ELAPOR1: variants seen among roughly 807,000 people sequenced by gnomAD.
The protein encoded by ELAPOR1 is endosome/lysosome-associated apoptosis and autophagy regulator 1.
In ELAPOR1, 77 loss-of-function variants were observed where a neutral mutation model predicts 119.7. The observed-to-expected ratio is 0.64, with a 90% CI of 0.54 to 0.78. ELAPOR1 has a LOEUF of 0.78. Ranked by LOEUF, ELAPOR1 falls within the 30% of genes least tolerant of loss-of-function variation. The pLI, the probability that ELAPOR1 is intolerant of heterozygous loss-of-function variation, is 0.00. For synonymous variants in ELAPOR1, 481 were observed against 487.2 expected (o/e 0.99, Z 0.17); for missense variants, 1,115 against 1,270.4 (o/e 0.88, Z 1.86).
chr1:109,178,004 T>C (rs941003266), intron 7 of ELAPOR1, among the ~76,000 whole-genome samples: 25 of 123,792 alleles, frequency 2.0e-4, no homozygotes, highest in Admixed American at 3.2e-4. Flanking sequence ...TTTTTTCTTT[T>C]TTCTTTCTTT....
At position 109,189,260 on chromosome 1, in the gene ELAPOR1, C is replaced by T. The variant is rs1653274668; in HGVS notation, c.1348+66C>T. 3.9e-6 allele frequency: 6 copies of T among 1,549,662 alleles called. No homozygotes were observed. In the South Asian group the frequency reaches 7.1e-5, roughly 18 times the overall value. On this transcript the variant is annotated intron_variant, in intron 10 of 21. Coordinates refer to ENST00000369939, the MANE Select transcript of ELAPOR1 (RefSeq NM_020775.5). ...CACACCCTCAGTTCTTCCAACTTCA[C>T]ATTTCTTCATAATAGTGATGTCTGA...
chr1:109,173,629 C>G, intron 6 of ELAPOR1, 50 bp downstream of exon 6: 1 of 1,613,304 alleles, frequency 6.2e-7, no homozygotes, highest in Non-Finnish European at 8.5e-7. Flanking sequence ...TTTGCAGTCT[C>G]CTGGGGACTC....
chr1:109,199,192 C>T (rs1654011142), intron 18 of ELAPOR1, among the ~76,000 whole-genome samples: 1 of 152,158 alleles, frequency 6.6e-6, no homozygotes, highest in Non-Finnish European at 1.5e-5. Context: ...AGGTTAATAG[C>T]TGAGTGAACT....
chr1:109,129,480 C>T (rs1043516232), intron 1 of ELAPOR1, among the ~76,000 whole-genome samples: 6 of 152,216 alleles, frequency 3.9e-5, no homozygotes, highest in Non-Finnish European at 4.4e-5. Flanking sequence ...CCATTGCCCT[C>T]CAGCCTGGGC....
In ELAPOR1 at chr1:109,114,176, A is replaced by G; in HGVS notation, c.-8A>G. 7 of 1,581,942 alleles carry G rather than the reference A, an allele frequency of 4.4e-6. No individual in the cohort carries two copies. The highest frequency in any genetic ancestry group is 3.4e-5 in the South Asian group (3 of 87,334). On this transcript the variant is annotated 5_prime_UTR_variant, in exon 1 of 22. Transcript: ENST00000369939. ...GAGCCGCTACTGCCGCTCACTCAGG[A>G]CAACGCTATGGCTGAGCCTGGGCAC... is the stretch of plus-strand genomic sequence containing the variant.
At chr1:109,132,894 A>T (rs1254108174) in intron 1 of ELAPOR1, among the ~76,000 whole-genome samples, 6 of 152,180 alleles carry the variant, frequency 3.9e-5, no homozygotes, top group African/African-American at 1.4e-4. Context: ...CTCCGTCAAA[A>T]TAGTAAAATC....
In ELAPOR1 at chr1:109,203,132, T is replaced by C. The variant is rs1184922189; in HGVS notation, c.*120T>C. The stretch of plus-strand genomic sequence containing the variant: ...TGGAAATCTCTTCATTGTGGCCTTA[T>C]CAGATGTTTGAATTTCAGATCTTTT... On this transcript the variant is annotated 3_prime_UTR_variant, in exon 22 of 22. Transcript: ENST00000369939. 3.4e-5 allele frequency: 23 copies of C among 674,538 alleles called. No homozygotes were observed. The Middle Eastern group carries it at 1.6e-3, about 48-fold the overall frequency. The allele number at this position is 674,538 out of a possible 1,614,324, so 41.8% of individuals were successfully genotyped here.
chr1:109,198,759 G>T, intron 18 of ELAPOR1, 85 bp downstream of exon 18: 1 of 1,238,554 alleles, frequency 8.1e-7, no homozygotes, highest in Non-Finnish European at 1.1e-6. Context: ...CTGAAAAAGA[G>T]CAAAAAAGAA....
At chr1:109,162,755 C>T (rs181431258) in intron 2 of ELAPOR1, among the ~76,000 whole-genome samples, 15 of 152,320 alleles carry the variant, frequency 9.8e-5, no homozygotes, top group African/African-American at 3.6e-4. Flanking sequence ...CAAATAAATA[C>T]TTGTTAAATT....
Position 109,192,592 on chromosome 1 carries a change from CTT to C in ELAPOR1, c.1684-18_1684-17del, listed in dbSNP as rs965971353. On this transcript the variant is annotated splice_polypyrimidine_tract_variant and intron_variant, in intron 13 of 21. Transcript: ENST00000369939. ...GTCTCAGGCCTCTCCCCTCTCCCCT[CTT>C]GTTTCCTTGTCTCCAGAGCAGGAAG... 9 of 1,612,968 alleles carry C rather than the reference CTT, an allele frequency of 5.6e-6. No homozygotes were observed. In the African/African-American group the frequency reaches 6.7e-5, roughly 12 times the overall value.
chr1:109,120,256 G>A (rs1648307899), intron 1 of ELAPOR1, among the ~76,000 whole-genome samples: 1 of 152,064 alleles, frequency 6.6e-6, no homozygotes, highest in Admixed American at 6.6e-5. Flanking sequence ...AACCTAGCTG[G>A]TGTGGTGGTG....
chr1:109,191,845 G>A lies in ELAPOR1; in HGVS notation c.1665G>A (p.Arg555=), dbSNP rs1653458464. Residue 555 remains arginine, a synonymous_variant, in exon 13 of 22, where the codon AGG becomes AGA. Coordinates refer to ENST00000369939, the MANE Select transcript of ELAPOR1 (RefSeq NM_020775.5). ...TTTSFTWAFQ[R]TTFHEASRKY... Reference sequence around the variant, plus strand: ...CGAGCTTCACCTGGGCCTTCCAGAGGACCACTTTTCATGAGGCAGTAAGTT... The same window carrying A: ...CGAGCTTCACCTGGGCCTTCCAGAGAACCACTTTTCATGAGGCAGTAAGTT... 1.2e-6 allele frequency: 2 copies of A among 1,614,062 alleles called. No homozygotes were observed. The highest frequency in any genetic ancestry group is 1.3e-5 in the African/African-American group (1 of 74,920).
intron 3 of ELAPOR1, among the ~76,000 whole-genome samples, chr1:109,168,869 G>A (rs965229135): frequency 6.6e-6 from 1 of 152,144 alleles, no homozygotes; most frequent in African/African-American, 2.4e-5. Flanking sequence ...AGCGATGCCT[G>A]ACACTAGAAA....
At chr1:109,127,784 G>A (rs1019305316) in intron 1 of ELAPOR1, among the ~76,000 whole-genome samples, 1 of 149,088 alleles carries the variant, frequency 6.7e-6, no homozygotes, top group East Asian at 2.0e-4. Flanking sequence ...GGCTGGTCTC[G>A]AACTCCTGGG....
intron 1 of ELAPOR1, among the ~76,000 whole-genome samples, chr1:109,161,409 CAAAAAAAAA>C (rs59573644): frequency 1.8e-5 from 1 of 56,338 alleles, no homozygotes; most frequent in African/African-American, 6.3e-5. Context: ...GACTCCGTCT[CAAAAAAAAA>C]AAAAAAAAAA....
chr1:109,145,780 GAT>G (rs2101008495), intron 1 of ELAPOR1, among the ~76,000 whole-genome samples: 1 of 152,338 alleles, frequency 6.6e-6, no homozygotes, highest in Admixed American at 6.5e-5. Context: ...CATAGAGAGA[GAT>G]GGAACTGGGA....
At chr1:109,168,895 T>A (rs1570675174) in intron 3 of ELAPOR1, among the ~76,000 whole-genome samples, 1 of 152,174 alleles carries the variant, frequency 6.6e-6, no homozygotes, top group South Asian at 2.1e-4. Context: ...CAAAACATGT[T>A]GTTATTATTG....
At position 109,114,137 on chromosome 1, in the gene ELAPOR1, C is replaced by T; in HGVS notation, c.-47C>T. 6.8e-7 allele frequency: 1 copy of T among 1,474,222 alleles called. No homozygotes were observed. The allele number at this position is 1,474,222 out of a possible 1,614,324, so 91.3% of individuals were successfully genotyped here. A position where few individuals can be genotyped will look rare whatever the true frequency, so the allele number is the denominator to read the frequency against. On this transcript the variant is annotated 5_prime_UTR_variant, in exon 1 of 22. Coordinates refer to ENST00000369939, the MANE Select transcript of ELAPOR1 (RefSeq NM_020775.5). ...TTCCGCCTTCTGCCAGCAGAAGCAG[C>T]AGCCGCAGCACCTGAGCCGCTACTG...
At chr1:109,183,333 A>G (rs1447453564) in intron 7 of ELAPOR1, among the ~76,000 whole-genome samples, 88 of 43,836 alleles carry the variant, frequency 2.0e-3, no homozygotes, top group African/African-American at 4.5e-3. Context: ...TCTACCAAAA[A>G]AAAAAAAAAA....
Sources: gnomAD v4.1 joint callset for allele counts (sites outside exome capture counted in the v4.1 genomes callset) on GRCh38, gnomAD v4.1.1 for gene constraint, MANE v1.5 for transcripts, NCBI Gene and HGNC (gene_info 2026-07-23, HGNC 2026-07-21) for gene names.